The following EZR variants were observed in gnomAD, a reference collection of about 807,000 sequenced individuals.
The protein encoded by EZR is ezrin, also known as cytovillin 2.
In EZR, 40 loss-of-function variants were observed where a neutral mutation model predicts 74.8. The observed-to-expected ratio is 0.53, with a 90% CI of 0.42 to 0.70. The LOEUF is 0.70. Ranked by LOEUF, EZR falls within the 30% of genes least tolerant of loss-of-function variation. The pLI, the probability that EZR is intolerant of heterozygous loss-of-function variation, is 0.00. For missense variants in EZR, 678 were observed against 755.8 expected (o/e 0.90, Z 1.21); for synonymous variants, 341 against 283.3 (o/e 1.20, Z -2.05).
At chr6:158,789,452 GCTCCT>G in intron 2 of EZR, 81 bp from the exon 3 acceptor site, 1 of 1,289,876 alleles carries the variant, frequency 7.8e-7, no homozygotes, top group Non-Finnish European at 1.1e-6. Context: ...TACATAAGCT[GCTCCT>G]CAGTGTGGCG....
rs1791021296 is a variant in EZR, at chr6:158,769,338, CTCT to C, written c.1329_1331del (p.Glu444del). ...CGTGCAGACTCACCCTGTGCTGCCACTCTTCAACTTCATCCTCCTTGCGCCTCC... is the reference window on the plus strand; with the variant it reads ...CGTGCAGACTCACCCTGTGCTGCCACTCAACTTCATCCTCCTTGCGCCTCC... On this transcript the variant is annotated inframe_deletion, in exon 12 of 14. Transcript: ENST00000367075. 1 of 1,609,710 alleles carries C rather than the reference CTCT, an allele frequency of 6.2e-7. No homozygotes were observed. Among genetic ancestry groups the C allele is most frequent in the Non-Finnish European group, 8.5e-7 (1 of 1,180,020 alleles).
chr6:158,791,280 G>A (rs528786349), intron 2 of EZR, among the ~76,000 whole-genome samples: 17 of 152,308 alleles, frequency 1.1e-4, no homozygotes, highest in African/African-American at 2.6e-4. Context: ...AGGAGGCAAC[G>A]AGACATGTTT....
At chr6:158,796,827 G>A (rs1469409886) in intron 2 of EZR, among the ~76,000 whole-genome samples, 7 of 152,176 alleles carry the variant, frequency 4.6e-5, no homozygotes, top group African/African-American at 7.2e-5. Flanking sequence ...TTATTTCCAC[G>A]GAGCATCCCA....
At chr6:158,809,455 T>TA (rs1289768497) in intron 2 of EZR, among the ~76,000 whole-genome samples, 2 of 152,234 alleles carry the variant, frequency 1.3e-5, no homozygotes. Context: ...CACAATAGCT[T>TA]AGCAAGTGTG....
In EZR at chr6:158,818,255, C is replaced by A. The variant is rs913607170; in HGVS notation, c.-73-89G>T. ...ACACTCGGCGCCCGCAGCGCGCTGC[C>A]GCTTAAGAACCGGCCAGCCCGGGCC... On this transcript the variant is annotated intron_variant, in intron 1 of 13. Coordinates refer to ENST00000367075, the MANE Select transcript of EZR (RefSeq NM_001111077.2). The A allele has an allele frequency of 1.2e-4, 77 of 649,170 alleles. No individual in the cohort carries two copies. In the Middle Eastern group the frequency reaches 1.3e-3, roughly 11 times the overall value. The allele number at this position is 649,170 out of a possible 1,614,324, so 40.2% of individuals were successfully genotyped here. A position where few individuals can be genotyped will look rare whatever the true frequency, so the allele number is the denominator to read the frequency against.
chr6:158,771,222 C>CA, intron 9 of EZR, 22 bp downstream of exon 9: 3 of 1,590,286 alleles, frequency 1.9e-6, no homozygotes, highest in Non-Finnish European at 2.6e-6. Flanking sequence ...AGGCCCCCCC[C>CA]ACTCTGGCCT....
intron 2 of EZR, among the ~76,000 whole-genome samples, chr6:158,804,498 C>A (rs1777286091): frequency 6.6e-6 from 1 of 152,192 alleles, no homozygotes; most frequent in African/African-American, 2.4e-5. Flanking sequence ...TACTTCATCA[C>A]CAACATGCTT....
At chr6:158,803,104 C>T (rs1271314787) in intron 2 of EZR, among the ~76,000 whole-genome samples, 1 of 152,056 alleles carries the variant, frequency 6.6e-6, no homozygotes, top group Non-Finnish European at 1.5e-5. Context: ...TTAGGCTAAA[C>T]TTAAAATGTC....
At chr6:158,795,767 A>G (rs1012622877) in intron 2 of EZR, among the ~76,000 whole-genome samples, 2 of 152,214 alleles carry the variant, frequency 1.3e-5, no homozygotes, top group African/African-American at 4.8e-5. Flanking sequence ...AAGCTTTTCA[A>G]ACACCCGCAG....
chr6:158,790,182 T>G (rs1425349999), intron 2 of EZR, among the ~76,000 whole-genome samples: 1 of 152,206 alleles, frequency 6.6e-6, no homozygotes, highest in African/African-American at 2.4e-5. Flanking sequence ...ACGAAAATAG[T>G]AGAAACTGGG....
chr6:158,798,979 T>G (rs530740380), intron 2 of EZR, among the ~76,000 whole-genome samples: 11 of 152,172 alleles, frequency 7.2e-5, no homozygotes, highest in Non-Finnish European at 1.3e-4. Flanking sequence ...CAAAAATTTG[T>G]TTTGTTATAA....
At chr6:158,784,225 G>C (rs1304675767) in intron 6 of EZR, among the ~76,000 whole-genome samples, 1 of 152,146 alleles carries the variant, frequency 6.6e-6, no homozygotes, top group Non-Finnish European at 1.5e-5. Flanking sequence ...CCCACGTCCA[G>C]GTTCTCTGAC....
chr6:158,818,954 C>T (rs1419485533), intron 1 of EZR, among the ~76,000 whole-genome samples: 2 of 152,082 alleles, frequency 1.3e-5, no homozygotes, highest in Non-Finnish European at 2.9e-5. Flanking sequence ...AAGCCGAGCA[C>T]TCGGCAAGTT....
chr6:158,782,381 G>A (rs1291480517), intron 7 of EZR, among the ~76,000 whole-genome samples: 1 of 152,190 alleles, frequency 6.6e-6, no homozygotes, highest in Non-Finnish European at 1.5e-5. Flanking sequence ...AGGGTTTTGG[G>A]GGAACCTGAG....
chr6:158,787,471 T>TA (rs1443855678), intron 3 of EZR, among the ~76,000 whole-genome samples: 4 of 152,332 alleles, frequency 2.6e-5, no homozygotes, highest in South Asian at 2.1e-4. Flanking sequence ...ATCTCACTCC[T>TA]ACTCCTTTGT....
chr6:158,776,423 G>C lies in EZR; in HGVS notation c.780C>G (p.Ile260Met), dbSNP rs748259286. ...FNDKKFVIKPIDKKAPDFVFY... is the reference protein window; with the variant it reads ...FNDKKFVIKPMDKKAPDFVFY... ...TGGAACTTACAGGTGCCTTCTTGTC[G>C]ATGGGTTTAATGACAAACTTTTTGT... Residue 260 changes from isoleucine to methionine, a missense_variant, in exon 8 of 14, where the codon ATC becomes ATG. Ile to Met is a conservative substitution (Grantham distance 10). Around this residue, in one of 3 missense-constraint regions of EZR, gnomAD observed 119 missense variants for 182.3 expected, o/e 0.65. Transcript: ENST00000367075. 15 of 1,613,514 alleles carry C rather than the reference G, an allele frequency of 9.3e-6. No individual in the cohort carries two copies. In the South Asian group the frequency reaches 1.6e-4, roughly 18 times the overall value.
At position 158,785,497 on chromosome 6, in the gene EZR, G is replaced by A. The variant is rs145900740; in HGVS notation, c.279C>T (p.Leu93=). The part of the protein sequence containing the change: ...KFYPEDVAEE[L]IQDITQKLFF... ...AAAGTTTCTGGGTGATGTCCTGGAT[G>A]AGCTCCTCAGCCACATCTTCAGGGT... Residue 93 remains leucine (L), a synonymous_variant, in exon 5 of 14, where the codon CTC becomes CTT. Coordinates refer to ENST00000367075, the MANE Select transcript of EZR (RefSeq NM_001111077.2). 4 of 1,614,102 alleles carry A rather than the reference G, an allele frequency of 2.5e-6. No individual in the cohort carries two copies. In the African/African-American group the frequency reaches 4.0e-5, roughly 16 times the overall value.
chr6:158,813,462 G>T (rs1021022568), intron 2 of EZR, among the ~76,000 whole-genome samples: 6 of 152,204 alleles, frequency 3.9e-5, no homozygotes, highest in Non-Finnish European at 8.8e-5. Context: ...CTTACAGCGT[G>T]ATCATGGCAA....
intron 4 of EZR, among the ~76,000 whole-genome samples, chr6:158,786,208 C>T (rs543359493): frequency 1.3e-5 from 2 of 152,232 alleles, no homozygotes; most frequent in Admixed American, 6.5e-5. Context: ...CCCATCTCTA[C>T]TAAAAATACA....
Sources: gnomAD v4.1 joint callset for allele counts (sites outside exome capture counted in the v4.1 genomes callset) on GRCh38, gnomAD v4.1.1 for gene constraint, gnomAD v4.1.1 regional missense constraint, MANE v1.5 for transcripts, NCBI Gene and HGNC (gene_info 2026-07-23, HGNC 2026-07-21) for gene names.